Variants in RAB31 observed in about 807,000 individuals in gnomAD.
RAB31 encodes ras-related protein Rab-31.
In RAB31, 21 loss-of-function variants were observed where a neutral mutation model predicts 25.6. That is an observed-to-expected ratio of 0.82 (90% CI 0.58 to 1.18). RAB31 has a LOEUF of 1.18. Among genes scored for constraint, RAB31 ranks in the 50% most tolerant of loss-of-function variants. The pLI is 0.00. For synonymous variants in RAB31, 87 were observed against 84.0 expected, an observed-to-expected ratio of 1.04 and a Z score of -0.20; for missense variants, 196 against 250.1, an observed-to-expected ratio of 0.78 and a Z score of 1.46.
chr18:9,785,799 G>A lies in RAB31; in HGVS notation c.120-6355G>A, dbSNP rs550972801. 5.3e-5 allele frequency among the ~76,000 whole-genome samples: 8 copies of A among 150,440 alleles called. No homozygotes were observed. In the East Asian group the frequency reaches 7.9e-4, roughly 15 times the overall value. ...GTGTAGGTCGGGCACAGTGGCTCACGCCTGTAATCCCATCACTTTGGGAGG... is the reference window on the plus strand; with the variant it reads ...GTGTAGGTCGGGCACAGTGGCTCACACCTGTAATCCCATCACTTTGGGAGG... On this transcript the variant is annotated intron_variant, in intron 2 of 6. Coordinates refer to ENST00000578921, the MANE Select transcript of RAB31 (RefSeq NM_006868.4).
chr18:9,858,478 A>C (rs1037510306), intron 6 of RAB31, among the ~76,000 whole-genome samples: 2 of 152,230 alleles, frequency 1.3e-5, no homozygotes, highest in African/African-American at 4.8e-5. Context: ...CCATCAGCAC[A>C]GTCAATTTTA....
rs2068836544 is a variant in RAB31, at chr18:9,859,471, G to A, written c.*146G>A. On this transcript the variant is annotated 3_prime_UTR_variant, in exon 7 of 7. Transcript: ENST00000578921. ...GCATCCTGGAAGACCTGCAGGGGGC[G>A]GGGCAGGAAATGTACCTGAAAAGGA... The A allele has an allele frequency of 2.1e-5, 13 of 610,548 alleles. No individual in the cohort carries two copies. The highest frequency in any genetic ancestry group is 2.7e-5 in the Non-Finnish European group (10 of 368,386). The allele number at this position is 610,548 out of a possible 1,614,324, so 37.8% of individuals were successfully genotyped here.
intron 1 of RAB31, among the ~76,000 whole-genome samples, chr18:9,737,348 A>G (rs539378585): frequency 3.9e-5 from 6 of 152,278 alleles, no homozygotes; most frequent in African/African-American, 1.4e-4. Context: ...CTGTTTCCTT[A>G]TGTAACATAC....
chr18:9,817,250 G>A (rs1182834793), intron 5 of RAB31, among the ~76,000 whole-genome samples: 2 of 152,082 alleles, frequency 1.3e-5, no homozygotes, highest in Non-Finnish European at 2.9e-5. Flanking sequence ...GCCTTTAAGT[G>A]GAACCGAGTC....
intron 5 of RAB31, among the ~76,000 whole-genome samples, chr18:9,823,863 G>A (rs1250372030): frequency 2.0e-5 from 3 of 152,110 alleles, no homozygotes; most frequent in Non-Finnish European, 4.4e-5. Context: ...CTGCTGCCTG[G>A]GTCTCTGCCC....
intron 1 of RAB31, among the ~76,000 whole-genome samples, chr18:9,751,719 TA>T (rs2068235984): frequency 6.6e-6 from 1 of 152,148 alleles, no homozygotes; most frequent in African/African-American, 2.4e-5. Flanking sequence ...CTGGTGCACG[TA>T]AAAAAGTGGT....
At position 9,728,531 on chromosome 18, in the gene RAB31, T is replaced by TTTTG. The variant is rs201642226; in HGVS notation, c.39+20107_39+20110dup. Among the ~76,000 whole-genome samples, 280 of 152,178 alleles carry TTTTG rather than the reference T, an allele frequency of 1.8e-3. 5 individuals are homozygous for TTTTG. The East Asian group carries it at 0.044, about 24-fold the overall frequency. On this transcript the variant is annotated intron_variant, in intron 1 of 6. Transcript: ENST00000578921. ...TTACAACACAAAATATAACCTAATT[T>TTTTG]TTTGTTTGTTTGTTTGTTTGTTTTG...
intron 6 of RAB31, 124 bp from the exon 7 acceptor site, chr18:9,859,104 C>T (rs1357003364): frequency 2.0e-5 from 14 of 716,756 alleles, no homozygotes; most frequent in Non-Finnish European, 3.3e-5. Context: ...GAAAGGAGCC[C>T]CTCCAGGAAC....
At chr18:9,774,391 T>G (rs993548695) in intron 1 of RAB31, among the ~76,000 whole-genome samples, 1 of 152,192 alleles carries the variant, frequency 6.6e-6, no homozygotes, top group African/African-American at 2.4e-5. Flanking sequence ...TATGTTGTTG[T>G]GTGGCCTTTC....
intron 2 of RAB31, among the ~76,000 whole-genome samples, chr18:9,778,984 G>A (rs190683426): frequency 6.6e-6 from 1 of 152,278 alleles, no homozygotes; most frequent in African/African-American, 2.4e-5. Context: ...AAGTGGAAAT[G>A]GACCATCATA....
intron 1 of RAB31, among the ~76,000 whole-genome samples, chr18:9,730,386 A>G (rs1394857986): frequency 6.6e-6 from 1 of 150,814 alleles, no homozygotes; most frequent in Non-Finnish European, 1.5e-5. Context: ...TCTCGGGCTC[A>G]GACAATTCTC....
intron 1 of RAB31, among the ~76,000 whole-genome samples, chr18:9,714,569 C>T (rs577870420): frequency 1.3e-5 from 2 of 152,206 alleles, no homozygotes; most frequent in Non-Finnish European, 2.9e-5. Context: ...TGGAAAAGAC[C>T]TTTAAAATTT....
In RAB31 at chr18:9,760,347, A is replaced by T. The variant is rs1431633705; in HGVS notation, c.40-14931A>T. 2.6e-5 allele frequency among the ~76,000 whole-genome samples: 4 copies of T among 151,572 alleles called. No individual in the cohort carries two copies. In the South Asian group the frequency reaches 8.4e-4, roughly 32 times the overall value. ...CACCACCATGCCCAGCTAATTTTTT[A>T]TTTTTTGTAGAGACAAGGTCTTGCC... is the stretch of plus-strand genomic sequence containing the variant. On this transcript the variant is annotated intron_variant, in intron 1 of 6. Transcript: ENST00000578921.
chr18:9,809,180 T>C (rs1274352114), intron 3 of RAB31, among the ~76,000 whole-genome samples: 3 of 152,218 alleles, frequency 2.0e-5, no homozygotes, highest in Non-Finnish European at 2.9e-5. Flanking sequence ...CCGTGAGCTC[T>C]GGAGGGTTGT....
At chr18:9,741,484 G>A (rs747627060) in intron 1 of RAB31, among the ~76,000 whole-genome samples, 7 of 151,274 alleles carry the variant, frequency 4.6e-5, no homozygotes, top group East Asian at 1.9e-4. Context: ...CAATACCACC[G>A]TGGATGGATC....
At chr18:9,725,003 C>G (rs80131438) in intron 1 of RAB31, among the ~76,000 whole-genome samples, 35 of 152,174 alleles carry the variant, frequency 2.3e-4, no homozygotes, top group Admixed American at 1.2e-3. Context: ...CAGGCTGGGT[C>G]GGTTGGGTGC....
intron 1 of RAB31, among the ~76,000 whole-genome samples, chr18:9,736,211 T>A (rs2068150530): frequency 6.6e-6 from 1 of 152,180 alleles, no homozygotes; most frequent in Non-Finnish European, 1.5e-5. Flanking sequence ...TTGCCTCAAG[T>A]GATCCTCTCC....
At chr18:9,825,574 T>C (rs930237686) in intron 5 of RAB31, among the ~76,000 whole-genome samples, 13 of 152,072 alleles carry the variant, frequency 8.5e-5, no homozygotes, top group African/African-American at 3.1e-4. Flanking sequence ...CAGGCAAGGG[T>C]ATGTGCATTT....
chr18:9,730,425 T>C (rs2068117191), intron 1 of RAB31, among the ~76,000 whole-genome samples: 1 of 152,064 alleles, frequency 6.6e-6, no homozygotes, highest in Non-Finnish European at 1.5e-5. Context: ...TAGCTGGAAT[T>C]ACAGGCATGT....
Sources: allele counts gnomAD v4.1 joint callset (sites outside exome capture counted in the v4.1 genomes callset), GRCh38; gene constraint gnomAD v4.1.1; transcripts MANE v1.5; gene names NCBI Gene and HGNC (gene_info 2026-07-23, HGNC 2026-07-21).